The following EHBP1L1 variants were observed in gnomAD, a reference collection of about 807,000 sequenced individuals.
EHBP1L1 encodes the protein EH domain binding protein 1 like 1.
A neutral mutation model predicts 151.1 loss-of-function variants in EHBP1L1; 122 were observed. That is an observed-to-expected ratio of 0.81 (90% confidence interval 0.70 to 0.94). EHBP1L1 has a LOEUF of 0.94. Ranked by LOEUF, EHBP1L1 falls within the 40% of genes least tolerant of loss-of-function variation. The pLI is 0.00. For missense variants in EHBP1L1, 1,941 were observed against 1,959.8 expected, an observed-to-expected ratio of 0.99 and a Z score of 0.18; for synonymous variants, 878 against 810.1, an observed-to-expected ratio of 1.08 and a Z score of -1.42.
chr11:65,577,917 A>G (rs1857406556), intron 1 of EHBP1L1, among the ~76,000 whole-genome samples: 1 of 152,164 alleles, frequency 6.6e-6, no homozygotes. Flanking sequence ...CCCCAGCATC[A>G]CGAGAGGGTG....
Position 65,582,783 on chromosome 11 carries a change from CAG to C in EHBP1L1, c.2114_2115del (p.Glu705GlyfsTer5). On this transcript the variant is annotated frameshift_variant, in exon 9 of 19. Transcript: ENST00000309295. LOFTEE classifies it high-confidence loss of function. ...TCTGAGATGCTGGGGACCCAGGAGA[CAG>C]AGGTGGAAGCTTCTAGGGTACCAGA... The C allele has an allele frequency of 6.2e-7, 1 of 1,613,444 alleles. No homozygotes were observed. The highest frequency in any genetic ancestry group is 2.2e-5 in the East Asian group (1 of 44,874).
At position 65,584,965 on chromosome 11, in the gene EHBP1L1, G is replaced by T. The variant is rs1466828511; in HGVS notation, c.3307G>T (p.Asp1103Tyr). 21 of 1,533,460 alleles carry T rather than the reference G, an allele frequency of 1.4e-5. No homozygotes were observed. Among genetic ancestry groups the T allele is most frequent in the East Asian group, 2.5e-5 (1 of 40,760 alleles). The allele number at this position is 1,533,460 out of a possible 1,614,324, so 95.0% of individuals were successfully genotyped here. A position where few individuals can be genotyped will look rare whatever the true frequency, so the allele number is the denominator to read the frequency against. ...NIKQNNKQAF[D>Y]GFAALGVSRL... The stretch of plus-strand genomic sequence containing the variant: ...GAGTGCACCCTTCCCCTAGGCCTTC[G>T]ATGGCTTCGCGGCTCTGGGCGTGTC... Residue 1103 changes from aspartate to tyrosine, a missense_variant, in exon 12 of 19, where the codon GAT becomes TAT. By Grantham distance (160) the Asp-to-Tyr change is radical (BLOSUM62 -3). Transcript: ENST00000309295.
chr11:65,589,635 G>T lies in EHBP1L1; in HGVS notation c.3934-116G>T. ...GCAGGACTAGAGGAGGGGCAGGGGC[G>T]GGCAGGAGCTGGGGTCAAGGACCCC... On this transcript the variant is annotated intron_variant, in intron 12 of 18. Transcript: ENST00000309295. 4 of 1,410,266 alleles carry T rather than the reference G, an allele frequency of 2.8e-6. No individual in the cohort carries two copies. The South Asian group carries it at 6.1e-5, about 21-fold the overall frequency. 87.4% of individuals were successfully genotyped at this position (1,410,266 alleles called of 1,614,324 possible).
rs1218338314 is a variant in EHBP1L1 at position 65,582,628 on chromosome 11, G to A, written c.1956G>A (p.Gly652=). Residue 652 remains glycine (G), a synonymous_variant, in exon 9 of 19, where the codon GGG becomes GGA. Coordinates refer to ENST00000309295, the MANE Select transcript of EHBP1L1 (RefSeq NM_001099409.3). ...CAGGGACAGAGACTGAGGTATTGGG[G>A]ACCCAGAAAACAGAAGCTGGGGGTT... ...ETPGTETEVL[G]TQKTEAGGSG... 2.0e-5 allele frequency: 33 copies of A among 1,612,146 alleles called. No individual in the cohort carries two copies. The highest frequency in any genetic ancestry group is 2.5e-5 in the Non-Finnish European group (30 of 1,179,486).
rs200250631 is a variant in EHBP1L1, at chr11:65,582,787, G to A, written c.2115G>A (p.Glu705=). The A allele has an allele frequency of 3.7e-5, 59 of 1,613,612 alleles. No individual in the cohort carries two copies. The African/African-American group carries it at 6.9e-4, about 19-fold the overall frequency. ...QSEMLGTQET[E]VEASRVPESE... is the part of the protein sequence containing the mutation. ...AGATGCTGGGGACCCAGGAGACAGA[G>A]GTGGAAGCTTCTAGGGTACCAGAGT... The change falls in exon 9 of 19, where the codon GAG becomes GAA. Residue 705 remains glutamate, a synonymous_variant. Coordinates refer to ENST00000309295, the MANE Select transcript of EHBP1L1 (RefSeq NM_001099409.3).
intron 16 of EHBP1L1, 23 bp from the exon 17 acceptor site, chr11:65,591,777 A>G (rs571528964): frequency 2.2e-5 from 10 of 456,270 alleles, no homozygotes; most frequent in South Asian, 2.0e-4. Flanking sequence ...CCCCCCCGCC[A>G]CCCACCCCCC....
At position 65,581,886 on chromosome 11, in the gene EHBP1L1, C is replaced by G; in HGVS notation, c.1214C>G (p.Thr405Ser). 1 of 1,613,594 alleles carries G rather than the reference C, an allele frequency of 6.2e-7. No individual in the cohort carries two copies. Among genetic ancestry groups the G allele is most frequent in the South Asian group, 1.1e-5 (1 of 91,056 alleles). The change falls in exon 9 of 19, where the codon ACT becomes AGT. Residue 405 changes from threonine (T) to serine (S), a missense_variant. By Grantham distance (58) the Thr-to-Ser change is moderately conservative. Coordinates refer to ENST00000309295, the MANE Select transcript of EHBP1L1 (RefSeq NM_001099409.3). ...AGGTCAGGAGGCAGAGAGGCAAACA[C>G]TAAGAGGTCAGGAGTCAGAGCTGGG... Reference protein sequence around the residue: ...EPRSGGREANTKRSGVRAGEA... With the variant: ...EPRSGGREANSKRSGVRAGEA...
chr11:65,590,054 G>A lies in EHBP1L1; in HGVS notation c.4060-33G>A, dbSNP rs369215096. The A allele has an allele frequency of 2.8e-4, 455 of 1,613,446 alleles. 2 individuals are homozygous for A. The Middle Eastern group carries it at 7.6e-3, about 27-fold the overall frequency. ...ACCACCTATTCAGGGCCTGGGCTGA[G>A]TCCACCCTGTTCTCTGCCTTTTCCA... On this transcript the variant is annotated intron_variant, in intron 14 of 18. Coordinates refer to ENST00000309295, the MANE Select transcript of EHBP1L1 (RefSeq NM_001099409.3).
intron 11 of EHBP1L1, 113 bp from the exon 12 acceptor site, chr11:65,584,846 A>T: frequency 7.2e-7 from 1 of 1,386,486 alleles, no homozygotes; most frequent in Non-Finnish European, 9.6e-7. Context: ...CGGTGTTGCT[A>T]GGCAAAACCC....
At chr11:65,584,036 G>C (rs1565126695) in intron 9 of EHBP1L1, 3 of 1,412,008 alleles carry the variant, frequency 2.1e-6, no homozygotes, top group Non-Finnish European at 2.7e-6. Flanking sequence ...TCTTGTCTGG[G>C]GGCCACTGAC....
chr11:65,580,184 CAA>C lies in EHBP1L1; in HGVS notation c.418_419del (p.Lys140ValfsTer8). The C allele has an allele frequency of 6.2e-7, 1 of 1,613,638 alleles. No individual in the cohort carries two copies. On this transcript the variant is annotated frameshift_variant, in exon 5 of 19. Transcript: ENST00000309295. LOFTEE classifies it high-confidence loss of function. ...GTCCCAGTGAGGCTGCGGCTGAAGC[CAA>C]AGTCAGTGAAGGTGGTGCAGGCTGA... is the stretch of plus-strand genomic sequence containing the variant.
In EHBP1L1 at chr11:65,576,295, CG is replaced by C; in HGVS notation, c.-3del. On this transcript the variant is annotated 5_prime_UTR_variant, in exon 1 of 19. Coordinates refer to ENST00000309295, the MANE Select transcript of EHBP1L1 (RefSeq NM_001099409.3). ...GCCTGAGAAGTGGGCGGCGGGGTGGCGGGGGCCATGACCTCGGTGTGGAAGC... is the reference window on the plus strand; with the variant it reads ...GCCTGAGAAGTGGGCGGCGGGGTGGCGGGGCCATGACCTCGGTGTGGAAGC... The C allele has an allele frequency of 7.6e-6, 12 of 1,579,376 alleles. No homozygotes were observed. The highest frequency in any genetic ancestry group is 1.1e-5 in the South Asian group (1 of 87,356).
In EHBP1L1 at chr11:65,582,297, AG is replaced by A. The variant is rs1430308748; in HGVS notation, c.1630del (p.Ala544ProfsTer34). ...ACCAGGCCCCAGGTGAGCAGCTGGCAGGGGGCCCTGTTATCAACTGCCCAGG... is the reference window on the plus strand; with the variant it reads ...ACCAGGCCCCAGGTGAGCAGCTGGCAGGGGCCCTGTTATCAACTGCCCAGG... Reference protein sequence around the residue: ...ISTRPQVSSWQGALLSTAQGA... With the variant: ...ISTRPQVSSWXGALLSTAQGA... On this transcript the variant is annotated frameshift_variant, in exon 9 of 19. Coordinates refer to ENST00000309295, the MANE Select transcript of EHBP1L1 (RefSeq NM_001099409.3). LOFTEE classifies it high-confidence loss of function. 2 of 1,531,190 alleles carry A rather than the reference AG, an allele frequency of 1.3e-6. No homozygotes were observed. Among genetic ancestry groups the A allele is most frequent in the East Asian group, 2.3e-5 (1 of 44,404 alleles). The allele number at this position is 1,531,190 out of a possible 1,614,324, so 94.9% of individuals were successfully genotyped here.
Position 65,582,442 on chromosome 11 carries a change from G to A in EHBP1L1, c.1770G>A (p.Glu590=). 6 of 1,612,484 alleles carry A rather than the reference G, an allele frequency of 3.7e-6. No individual in the cohort carries two copies. The highest frequency in any genetic ancestry group is 5.1e-6 in the Non-Finnish European group (6 of 1,179,672). ...TGGGAACCCAGGAGAAAGAAGTTGAGGGGTCAGGGTTCCCAGAGACTAGGA... is the reference window on the plus strand; with the variant it reads ...TGGGAACCCAGGAGAAAGAAGTTGAAGGGTCAGGGTTCCCAGAGACTAGGA... The part of the protein sequence containing the change: ...EVLGTQEKEV[E]GSGFPETRTL... Residue 590 remains glutamate, a synonymous_variant, in exon 9 of 19, where the codon GAG becomes GAA. Transcript: ENST00000309295.
At chr11:65,589,402 A>G (rs1038926064) in intron 12 of EHBP1L1, among the ~76,000 whole-genome samples, 5 of 151,966 alleles carry the variant, frequency 3.3e-5, no homozygotes, top group African/African-American at 1.2e-4. Flanking sequence ...AAAAAAAGAG[A>G]GTAGGGAGGA....
Position 65,589,838 on chromosome 11 carries a change from T to G in EHBP1L1, c.4003+18T>G, listed in dbSNP as rs1590837664. Reference sequence around the variant, plus strand: ...GCCCCCTGGTGAGTAGCAGGAGTGGTGACCATCTCAGTTCAGGCTGCTCAC... The same window carrying G: ...GCCCCCTGGTGAGTAGCAGGAGTGGGGACCATCTCAGTTCAGGCTGCTCAC... On this transcript the variant is annotated intron_variant, in intron 13 of 18. Transcript: ENST00000309295. The G allele has an allele frequency of 6.4e-7, 1 of 1,558,670 alleles. No homozygotes were observed. Among genetic ancestry groups the G allele is most frequent in the Non-Finnish European group, 8.7e-7 (1 of 1,151,280 alleles).
rs1277027603 is a variant in EHBP1L1 at position 65,583,526 on chromosome 11, TG to T, written c.2860del (p.Ala954ProfsTer6). The T allele has an allele frequency of 1.9e-6, 3 of 1,612,634 alleles. No individual in the cohort carries two copies. The highest frequency in any genetic ancestry group is 4.5e-5 in the East Asian group (2 of 44,836). ...WGMSEGKSGA[W>X]GAQEAEMKVL... ...GATGTCAGAGGGCAAATCTGGGGCT[TG>T]GGGGGCCCAGGAAGCAGAGATGAAG... On this transcript the variant is annotated frameshift_variant, in exon 9 of 19. Coordinates refer to ENST00000309295, the MANE Select transcript of EHBP1L1 (RefSeq NM_001099409.3). LOFTEE classifies it high-confidence loss of function.
Position 65,592,390 on chromosome 11 carries a change from C to G in EHBP1L1, c.*88C>G. The G allele has an allele frequency of 3.9e-6, 4 of 1,027,956 alleles. No homozygotes were observed. The highest frequency in any genetic ancestry group is 4.8e-6 in the Non-Finnish European group (4 of 833,170). The allele number at this position is 1,027,956 out of a possible 1,614,324, so 63.7% of individuals were successfully genotyped here. ...TGCGCTGCGGACGACCCGGCCGTCC[C>G]GGAGGCCGCGCGCGTGTCCGCTAGG... is the stretch of plus-strand genomic sequence containing the variant. On this transcript the variant is annotated 3_prime_UTR_variant, in exon 19 of 19. Coordinates refer to ENST00000309295, the MANE Select transcript of EHBP1L1 (RefSeq NM_001099409.3).
intron 16 of EHBP1L1, 22 bp downstream of exon 16, chr11:65,590,614 G>A (rs763699805): frequency 3.1e-6 from 5 of 1,605,644 alleles, no homozygotes; most frequent in Non-Finnish European, 4.3e-6. Flanking sequence ...CCCCGGGCCA[G>A]GAGAGCAGAG....
Sources: allele counts gnomAD v4.1 joint callset (sites outside exome capture counted in the v4.1 genomes callset), GRCh38; gene constraint gnomAD v4.1.1; transcripts MANE v1.5; gene names NCBI Gene and HGNC (gene_info 2026-07-23, HGNC 2026-07-21).